LNX1: variants seen among roughly 807,000 people sequenced by gnomAD.
LNX1 encodes E3 ubiquitin-protein ligase LNX.
LNX1 carries 54 observed loss-of-function variants against 68.4 expected under a neutral mutation model. The observed-to-expected ratio is 0.79, with a 90% CI of 0.63 to 0.99. The LOEUF (loss-of-function observed/expected upper bound fraction) is 0.99, where lower values mean the gene tolerates loss of function less well. Among genes scored for constraint, LNX1 ranks in the 50% least tolerant of loss-of-function variants. The probability of loss-of-function intolerance (pLI) is 0.00; values close to 1 mark genes in which losing one functional copy is unlikely to be tolerated. For synonymous variants in LNX1, 336 were observed against 350.0 expected (o/e 0.96, Z 0.45); for missense variants, 906 against 926.4 (o/e 0.98, Z 0.29).
intron 2 of LNX1, among the ~76,000 whole-genome samples, chr4:53,547,927 C>T (rs1236436024): frequency 6.6e-6 from 1 of 151,882 alleles, no homozygotes; most frequent in Admixed American, 6.6e-5. Flanking sequence ...CAGGGACCTA[C>T]CAGTTGTGAA....
At chr4:53,625,671 A>G (rs886650506) in intron 1 of LNX1, among the ~76,000 whole-genome samples, 1 of 152,094 alleles carries the variant, frequency 6.6e-6, no homozygotes, top group African/African-American at 2.4e-5. Context: ...GCTGGGTGTG[A>G]TGGCATGCAC....
At chr4:53,570,779 G>A (rs1167077327) in intron 2 of LNX1, among the ~76,000 whole-genome samples, 1 of 151,498 alleles carries the variant, frequency 6.6e-6, no homozygotes. Context: ...TGTAATCCCA[G>A]CACTTTGGGA....
rs760592657 is a variant in LNX1 at position 53,461,521 on chromosome 4, T to A, written c.1965A>T (p.Gly655=). Residue 655 remains glycine (G), a synonymous_variant, in exon 10 of 11, where the codon GGA becomes GGT. Coordinates refer to ENST00000263925, the MANE Select transcript of LNX1 (RefSeq NM_001126328.3). The part of the protein sequence containing the change: ...TAGSLGFCIV[G]GYEEYNGNKP... ...TGTTTCCATTGTATTCTTCATAACC[T>A]CCTACAATGCAGAAGCCCAGACTTC... 4.3e-6 allele frequency: 7 copies of A among 1,611,288 alleles called. No homozygotes were observed. The Admixed American group carries it at 1.2e-4, about 27-fold the overall frequency.
intron 4 of LNX1, among the ~76,000 whole-genome samples, chr4:53,503,513 A>AG (rs1259532854): frequency 6.6e-6 from 1 of 152,204 alleles, no homozygotes; most frequent in Non-Finnish European, 1.5e-5. Flanking sequence ...ATATTTTGAA[A>AG]GGAACTTTTC....
chr4:53,538,271 C>T (rs1408371998), intron 2 of LNX1, among the ~76,000 whole-genome samples: 1 of 152,166 alleles, frequency 6.6e-6, no homozygotes, highest in Non-Finnish European at 1.5e-5. Context: ...ACTGGACTGC[C>T]TACAGAACAG....
intron 2 of LNX1, among the ~76,000 whole-genome samples, chr4:53,515,509 C>A (rs2109549126): frequency 6.8e-6 from 1 of 146,784 alleles, no homozygotes; most frequent in South Asian, 2.2e-4. Context: ...AATTTAAGGC[C>A]CCCACCCCAC....
intron 9 of LNX1, among the ~76,000 whole-genome samples, chr4:53,468,906 C>T (rs960516650): frequency 1.3e-5 from 2 of 152,108 alleles, no homozygotes; most frequent in Non-Finnish European, 2.9e-5. Context: ...CTTTAACACC[C>T]CATTGTCAAC....
At chr4:53,580,767 A>C (rs1731782675) in intron 1 of LNX1, among the ~76,000 whole-genome samples, 1 of 152,212 alleles carries the variant, frequency 6.6e-6, no homozygotes. Context: ...TGGAACTCAT[A>C]ATGTATATCC....
intron 1 of LNX1, among the ~76,000 whole-genome samples, chr4:53,637,344 C>T (rs1001210141): frequency 1.3e-5 from 2 of 151,968 alleles, no homozygotes; most frequent in Non-Finnish European, 2.9e-5. Flanking sequence ...TTTGTACCAA[C>T]CACTGCTTGA....
In LNX1 at chr4:53,461,477, G is replaced by T. The variant is rs746092305; in HGVS notation, c.2009C>A (p.Ser670Tyr). Residue 670 changes from serine to tyrosine, a missense_variant, in exon 10 of 11, where the codon TCC becomes TAC. Ser to Tyr is a moderately radical substitution (Grantham distance 144). Coordinates refer to ENST00000263925, the MANE Select transcript of LNX1 (RefSeq NM_001126328.3). ...YNGNKPFFIK[S>Y]IVEGTPAYND... ...GTATGCTGGTGTTCCTTCAACAATG[G>T]ATTTGATGAAAAAAGGTTTGTTTCC... 6.2e-7 allele frequency: 1 copy of T among 1,611,762 alleles called. No homozygotes were observed. Among genetic ancestry groups the T allele is most frequent in the Non-Finnish European group, 8.5e-7 (1 of 1,178,462 alleles).
At chr4:53,623,846 C>T (rs1733974918) in intron 1 of LNX1, among the ~76,000 whole-genome samples, 1 of 152,132 alleles carries the variant, frequency 6.6e-6, no homozygotes, top group South Asian at 2.1e-4. Flanking sequence ...CAAGGTTGCA[C>T]AGTAAATGAG....
intron 2 of LNX1, among the ~76,000 whole-genome samples, chr4:53,570,664 TAATAAATAAATA>T (rs200529974): frequency 7.7e-5 from 11 of 143,734 alleles, no homozygotes; most frequent in South Asian, 2.2e-4. Flanking sequence ...TAAAGTATAA[TAATAAATAAATA>T]AATAAATAAA....
chr4:53,597,216 A>G (rs1196147017), intron 2 of LNX1, among the ~76,000 whole-genome samples: 1 of 152,048 alleles, frequency 6.6e-6, no homozygotes, highest in Non-Finnish European at 1.5e-5. Context: ...CAAACTATCA[A>G]TTGATATTCC....
chr4:53,646,207 A>G (rs1345231848), intron 1 of LNX1, among the ~76,000 whole-genome samples: 1 of 152,076 alleles, frequency 6.6e-6, no homozygotes, highest in Non-Finnish European at 1.5e-5. Context: ...TATATTTCCC[A>G]TGATTTTATG....
chr4:53,499,140 C>T (rs12645694), intron 4 of LNX1, among the ~76,000 whole-genome samples: 15,273 of 152,092 alleles, frequency 0.1, 1,250 homozygotes, highest in South Asian at 0.3. Flanking sequence ...TCATGGCACT[C>T]AACCCATTAT....
At chr4:53,644,991 C>A (rs1431289785) in intron 1 of LNX1, among the ~76,000 whole-genome samples, 4 of 152,124 alleles carry the variant, frequency 2.6e-5, no homozygotes, top group African/African-American at 9.7e-5. Flanking sequence ...CCTAACTCCT[C>A]AATTCTTGCC....
chr4:53,471,654 A>G (rs1360486727), intron 9 of LNX1, among the ~76,000 whole-genome samples: 1 of 152,122 alleles, frequency 6.6e-6, no homozygotes, highest in African/African-American at 2.4e-5. Context: ...AGAAAAAAAA[A>G]CCCCATCAAA....
At chr4:53,561,190 T>C (rs1174263783) in intron 2 of LNX1, among the ~76,000 whole-genome samples, 3 of 152,220 alleles carry the variant, frequency 2.0e-5, no homozygotes, top group South Asian at 2.1e-4. Flanking sequence ...GCAAGACTAA[T>C]ACATGCTTAC....
chr4:53,542,530 T>A (rs185477201), intron 2 of LNX1, among the ~76,000 whole-genome samples: 2 of 152,272 alleles, frequency 1.3e-5, no homozygotes, highest in Non-Finnish European at 2.9e-5. Context: ...CTCTGACTGA[T>A]GACCTAGGAG....
Sources: gnomAD v4.1 joint callset for allele counts (sites outside exome capture counted in the v4.1 genomes callset) on GRCh38, gnomAD v4.1.1 for gene constraint, MANE v1.5 for transcripts, NCBI Gene and HGNC (gene_info 2026-07-23, HGNC 2026-07-21) for gene names.